HMOX2: variants seen among roughly 807,000 people sequenced by gnomAD.
HMOX2 encodes the protein heme oxygenase 2, also known as heme oxygenase (decycling) 2.
In HMOX2, 30 loss-of-function variants were observed where a neutral mutation model predicts 33.7. That is an observed-to-expected ratio of 0.89 (90% CI 0.67 to 1.21). HMOX2 has a LOEUF of 1.21. HMOX2 is among the 50% of genes most tolerant of loss of function. The pLI is 0.00. For synonymous variants in HMOX2, 155 were observed against 155.0 expected (o/e 1.00, Z 0.00); for missense variants, 403 against 399.1 (o/e 1.01, Z -0.08).
At chr16:4,494,047 T>C (rs2058361530) in intron 1 of HMOX2, among the ~76,000 whole-genome samples, 1 of 152,170 alleles carries the variant, frequency 6.6e-6, no homozygotes, top group Admixed American at 6.5e-5. Context: ...GCCGGCACTG[T>C]GGCTCACGCC....
intron 1 of HMOX2, among the ~76,000 whole-genome samples, chr16:4,494,556 A>T (rs1386479392): frequency 1.3e-5 from 2 of 152,102 alleles, no homozygotes; most frequent in Non-Finnish European, 2.9e-5. Context: ...GTTACTAACC[A>T]TGAAGTTGAT....
upstream of HMOX2, among the ~76,000 whole-genome samples, chr16:4,475,496 G>C (rs2057794969): frequency 6.6e-6 from 1 of 151,780 alleles, no homozygotes; most frequent in African/African-American, 2.4e-5. Context: ...ATTTTTGGTA[G>C]AGACGGGGTT....
At chr16:4,485,501 G>A (rs917945775) in intron 1 of HMOX2, among the ~76,000 whole-genome samples, 5 of 152,116 alleles carry the variant, frequency 3.3e-5, no homozygotes, top group Non-Finnish European at 5.9e-5. Flanking sequence ...AGTTTTGAGA[G>A]GCCAGGGAAG....
rs544095384 is a variant in HMOX2, at chr16:4,480,383, C to T, written c.-42+3896C>T. 9.7e-5 allele frequency among the ~76,000 whole-genome samples: 13 copies of T among 134,290 alleles called. No individual in the cohort carries two copies. The South Asian group carries it at 3.4e-3, about 35-fold the overall frequency. The allele number at this position is 134,290 out of a possible 152,430, so 88.1% of individuals were successfully genotyped here. On this transcript the variant is annotated intron_variant, in intron 1 of 5. Transcript: ENST00000570646. Reference sequence around the variant, plus strand: ...TTTTTTCCTTAGAGTCTTGCTCTGTCACCAGGGCTGGAGTGCAGTGGCGCC... The same window carrying T: ...TTTTTTCCTTAGAGTCTTGCTCTGTTACCAGGGCTGGAGTGCAGTGGCGCC...
At chr16:4,478,601 A>G in intron 1 of HMOX2, among the ~76,000 whole-genome samples, 1 of 151,594 alleles carries the variant, frequency 6.6e-6, no homozygotes, top group East Asian at 2.0e-4. Flanking sequence ...GAAAAAAATA[A>G]TAATAATACA....
chr16:4,478,705 C>T lies in HMOX2; in HGVS notation c.-42+2218C>T, dbSNP rs1314163265. ...ACTTGAACCTGGGAGGCAGAGGTTG[C>T]GATGAGCCAAGATTGTGCCACTGCA... On this transcript the variant is annotated intron_variant, in intron 1 of 5. Coordinates refer to ENST00000570646, the MANE Select transcript of HMOX2 (RefSeq NM_002134.4). Among the ~76,000 whole-genome samples, 10 of 150,222 alleles carry T rather than the reference C, an allele frequency of 6.7e-5. 1 individual carries two copies. In the South Asian group the frequency reaches 1.3e-3, roughly 19 times the overall value.
chr16:4,492,660 G>A lies in HMOX2; in HGVS notation c.-41-12824G>A, dbSNP rs370086372. ...CTTGAACCCAGGAGGCAGAGATTGCGGTGATCCAAGATCACGCCACTGCAC... is the reference window on the plus strand; with the variant it reads ...CTTGAACCCAGGAGGCAGAGATTGCAGTGATCCAAGATCACGCCACTGCAC... On this transcript the variant is annotated intron_variant, in intron 1 of 5. Coordinates refer to ENST00000570646, the MANE Select transcript of HMOX2 (RefSeq NM_002134.4). Among the ~76,000 whole-genome samples, 8 of 151,476 alleles carry A rather than the reference G, an allele frequency of 5.3e-5. No individual in the cohort carries two copies. In the South Asian group the frequency reaches 6.2e-4, roughly 12 times the overall value.
chr16:4,502,283 C>T (rs547661043), intron 1 of HMOX2, among the ~76,000 whole-genome samples: 1 of 152,326 alleles, frequency 6.6e-6, no homozygotes, highest in East Asian at 1.9e-4. Flanking sequence ...CAAGACTATA[C>T]TCTCCCAGAG....
intron 1 of HMOX2, among the ~76,000 whole-genome samples, chr16:4,499,941 C>T (rs1011658451): frequency 6.6e-6 from 1 of 152,200 alleles, no homozygotes; most frequent in Non-Finnish European, 1.5e-5. Flanking sequence ...TCTTGTTACA[C>T]ACACAGGCAC....
At chr16:4,502,556 G>C (rs1263258482) in intron 1 of HMOX2, among the ~76,000 whole-genome samples, 1 of 151,922 alleles carries the variant, frequency 6.6e-6, no homozygotes, top group Non-Finnish European at 1.5e-5. Context: ...CCCATCTAGA[G>C]GCTCCAGGAC....
intron 1 of HMOX2, among the ~76,000 whole-genome samples, chr16:4,498,131 G>A (rs56895104): frequency 0.56 from 79,390 of 142,916 alleles, 24,714 homozygotes; most frequent in Non-Finnish European, 0.69. Flanking sequence ...CAGTGGCACT[G>A]TCGGCTCACT....
intron 1 of HMOX2, among the ~76,000 whole-genome samples, chr16:4,501,015 G>T (rs886788342): frequency 6.6e-6 from 1 of 152,086 alleles, no homozygotes; most frequent in African/African-American, 2.4e-5. Context: ...GGGTAGACTG[G>T]CCTTTCTAGA....
At chr16:4,476,683 G>A (rs2057852682) in intron 1 of HMOX2, 196 bp downstream of exon 1, 1 of 152,472 alleles carries the variant, frequency 6.6e-6, no homozygotes, top group Non-Finnish European at 1.5e-5. Flanking sequence ...CGGGCAGAAG[G>A]ACGAAGAAGG....
At chr16:4,477,755 C>T (rs1402076397) in intron 1 of HMOX2, among the ~76,000 whole-genome samples, 5 of 152,012 alleles carry the variant, frequency 3.3e-5, no homozygotes, top group African/African-American at 1.2e-4. Context: ...CCCGTCTCTA[C>T]TAAAAATACA....
chr16:4,503,633 A>C (rs1434744189), intron 1 of HMOX2, among the ~76,000 whole-genome samples: 1 of 152,194 alleles, frequency 6.6e-6, no homozygotes, highest in Non-Finnish European at 1.5e-5. Context: ...GTGCTATATG[A>C]GTTATTGCTT....
intron 1 of HMOX2, among the ~76,000 whole-genome samples, chr16:4,492,146 G>A (rs2058320050): frequency 6.6e-6 from 1 of 152,022 alleles, no homozygotes; most frequent in Non-Finnish European, 1.5e-5. Flanking sequence ...AGACCAGCCT[G>A]GGCAATATAG....
intron 1 of HMOX2, among the ~76,000 whole-genome samples, chr16:4,505,184 C>A (rs2058659568): frequency 6.6e-6 from 1 of 152,026 alleles, no homozygotes; most frequent in South Asian, 2.1e-4. Context: ...TTCTGAATAC[C>A]CCAGTGTGTA....
rs1288467610 is a variant in HMOX2, at chr16:4,510,059, CCT to C, written c.*304_*305del. 8 of 422,862 alleles carry C rather than the reference CCT, an allele frequency of 1.9e-5. No homozygotes were observed. Among genetic ancestry groups the C allele is most frequent in the East Asian group, 3.9e-5 (1 of 25,452 alleles). The allele number at this position is 422,862 out of a possible 1,614,324, so 26.2% of individuals were successfully genotyped here. The stretch of plus-strand genomic sequence containing the variant: ...GGGCCCTAGGCTGCTTCCGGTAGTC[CCT>C]GTTTTTGCAGTACATGGGTGACTAT... On this transcript the variant is annotated 3_prime_UTR_variant, in exon 6 of 6. Coordinates refer to ENST00000570646, the MANE Select transcript of HMOX2 (RefSeq NM_002134.4).
Position 4,507,019 on chromosome 16 carries a change from G to A in HMOX2, c.204+7G>A, listed in dbSNP as rs1567402856. 5 of 1,566,060 alleles carry A rather than the reference G, an allele frequency of 3.2e-6. No homozygotes were observed. The highest frequency in any genetic ancestry group is 3.5e-6 in the Non-Finnish European group (4 of 1,136,118). ...TAAGAAGGAGCTGTTTAAGGTTTGT[G>A]CCCCGCATTGGGTTCCAGACTGTCA... On this transcript the variant is annotated splice_region_variant and intron_variant, in intron 3 of 5. Coordinates refer to ENST00000570646, the MANE Select transcript of HMOX2 (RefSeq NM_002134.4).
Sources: allele counts gnomAD v4.1 joint callset (sites outside exome capture counted in the v4.1 genomes callset), GRCh38; gene constraint gnomAD v4.1.1; transcripts MANE v1.5; gene names NCBI Gene and HGNC (gene_info 2026-07-23, HGNC 2026-07-21).